The following PPARGC1A variants were observed in gnomAD, a reference collection of about 807,000 sequenced individuals.
PPARGC1A encodes the protein peroxisome proliferator-activated receptor gamma coactivator 1-alpha.
PPARGC1A carries 25 observed loss-of-function variants against 88.7 expected under a neutral mutation model. That is an observed-to-expected ratio of 0.28 (90% CI 0.21 to 0.39). The LOEUF is 0.39. Among genes scored for constraint, PPARGC1A ranks in the 10% least tolerant of loss-of-function variants. The pLI is 1.00. For synonymous variants in PPARGC1A, 363 were observed against 355.6 expected (o/e 1.02, Z -0.24); for missense variants, 880 against 968.7 (o/e 0.91, Z 1.22).
At chr4:23,854,828 TAAAGAAA>T (rs2148679925) in intron 2 of PPARGC1A, among the ~76,000 whole-genome samples, 1 of 151,548 alleles carries the variant, frequency 6.6e-6, no homozygotes, top group South Asian at 2.1e-4. Flanking sequence ...TGAGAAGCTA[TAAAGAAA>T]AAAAGGGGAA....
the PPARGC1A span, among the ~76,000 whole-genome samples, chr4:24,020,538 G>C: frequency 6.6e-6 from 1 of 152,154 alleles, no homozygotes; most frequent in Admixed American, 6.5e-5. Context: ...ACAAGACAAT[G>C]CTTCACAGGT....
chr4:23,902,670 T>C (rs1719548073), upstream of PPARGC1A, among the ~76,000 whole-genome samples: 1 of 152,120 alleles, frequency 6.6e-6, no homozygotes, highest in South Asian at 2.1e-4. Flanking sequence ...GTCTGAGATA[T>C]ATACAAGGAT....
the PPARGC1A span, among the ~76,000 whole-genome samples, chr4:24,082,077 T>C: frequency 1.3e-5 from 2 of 152,124 alleles, no homozygotes; most frequent in Non-Finnish European, 2.9e-5. Flanking sequence ...TCATATTTAT[T>C]GTTCACCCGA....
chr4:24,271,104 T>C, the PPARGC1A span, among the ~76,000 whole-genome samples: 1 of 152,314 alleles, frequency 6.6e-6, no homozygotes, highest in Non-Finnish European at 1.5e-5. Context: ...ATGTCAGATA[T>C]AAGATGGTGA....
At chr4:24,067,426 T>C in the PPARGC1A span, among the ~76,000 whole-genome samples, 10 of 152,130 alleles carry the variant, frequency 6.6e-5, no homozygotes, top group African/African-American at 2.2e-4. Context: ...GGGACGCCTC[T>C]CTCAAATATA....
the PPARGC1A span, among the ~76,000 whole-genome samples, chr4:24,124,568 C>T: frequency 2.0e-5 from 3 of 152,136 alleles, no homozygotes; most frequent in Non-Finnish European, 2.9e-5. Flanking sequence ...GCGTCTTTGC[C>T]GAAGTGACTT....
At chr4:24,227,496 T>A in the PPARGC1A span, among the ~76,000 whole-genome samples, 4 of 152,068 alleles carry the variant, frequency 2.6e-5, no homozygotes, top group Admixed American at 1.3e-4. Flanking sequence ...AATAAGATGA[T>A]ATCAACAGAG....
the PPARGC1A span, among the ~76,000 whole-genome samples, chr4:24,130,113 C>T: frequency 4.4e-4 from 67 of 152,098 alleles, no homozygotes; most frequent in African/African-American, 1.2e-3. Context: ...CTAACCTGCA[C>T]GTTGTGCACA....
the PPARGC1A span, among the ~76,000 whole-genome samples, chr4:24,051,307 A>G: frequency 2.6e-5 from 4 of 152,040 alleles, no homozygotes; most frequent in Non-Finnish European, 5.9e-5. Context: ...TGCCCCCTGG[A>G]AAAAGGGATT....
At chr4:24,455,307 T>C in the PPARGC1A span, among the ~76,000 whole-genome samples, 1 of 152,008 alleles carries the variant, frequency 6.6e-6, no homozygotes, top group Non-Finnish European at 1.5e-5. Flanking sequence ...ATAGCAAGAC[T>C]CTGTCACTAC....
upstream of PPARGC1A, chr4:23,890,193 C>T (rs889330664): frequency 4.5e-5 from 34 of 750,634 alleles, no homozygotes; most frequent in Non-Finnish European, 6.2e-5. Flanking sequence ...AAAGGCAGCC[C>T]TCTGCTTCAG....
the PPARGC1A span, among the ~76,000 whole-genome samples, chr4:24,110,239 G>A: frequency 6.6e-6 from 1 of 152,144 alleles, no homozygotes; most frequent in Non-Finnish European, 1.5e-5. Context: ...GACACATTGT[G>A]TATGGAGATA....
rs1717443882 is a variant in PPARGC1A at position 23,795,636 on chromosome 4, C to T, written c.*186G>A. 1 of 540,914 alleles carries T rather than the reference C, an allele frequency of 1.8e-6. No individual in the cohort carries two copies. 33.5% of individuals were successfully genotyped at this position (540,914 alleles called of 1,614,324 possible). On this transcript the variant is annotated 3_prime_UTR_variant, in exon 13 of 13. Coordinates refer to ENST00000264867, the MANE Select transcript of PPARGC1A (RefSeq NM_013261.5). ...CTCTTGCCTCTTCAGCAGCTGTGTT[C>T]ATGTAAACCATTGTTGTTATTGTTG...
At chr4:24,179,356 C>T in the PPARGC1A span, among the ~76,000 whole-genome samples, 1 of 152,132 alleles carries the variant, frequency 6.6e-6, no homozygotes, top group Non-Finnish European at 1.5e-5. Context: ...CTCCTCTCAT[C>T]CCAGGGCAGA....
At chr4:23,936,829 G>A in the PPARGC1A span, among the ~76,000 whole-genome samples, 9 of 152,010 alleles carry the variant, frequency 5.9e-5, no homozygotes, top group Non-Finnish European at 8.8e-5. Flanking sequence ...GAGATCGCAC[G>A]ACTGCACTCC....
Position 23,795,141 on chromosome 4 carries a change from A to G in PPARGC1A, c.*681T>C, listed in dbSNP as rs1277063100. ...AGGATTGTCATATAATCATTACGTT[A>G]TGAGAGAAAGCTTGCTTCAAGTTGA... On this transcript the variant is annotated 3_prime_UTR_variant, in exon 13 of 13. Coordinates refer to ENST00000264867, the MANE Select transcript of PPARGC1A (RefSeq NM_013261.5). The G allele has an allele frequency of 1.3e-5, 2 of 151,632 alleles. No individual in the cohort carries two copies. The highest frequency in any genetic ancestry group is 2.9e-5 in the Non-Finnish European group (2 of 67,850). The allele number at this position is 151,632 out of a possible 1,614,324, so 9.4% of individuals were successfully genotyped here. A position where few individuals can be genotyped will look rare whatever the true frequency, so the allele number is the denominator to read the frequency against.
chr4:23,796,698 T>A (rs1459388923), intron 12 of PPARGC1A, among the ~76,000 whole-genome samples: 1 of 152,134 alleles, frequency 6.6e-6, no homozygotes, highest in Non-Finnish European at 1.5e-5. Context: ...TTTTTCTCCA[T>A]TGACTTCTAT....
Position 23,802,141 on chromosome 4 carries a change from C to T in PPARGC1A, c.2141+83G>A, listed in dbSNP as rs1718872470. On this transcript the variant is annotated intron_variant, in intron 11 of 12. Coordinates refer to ENST00000264867, the MANE Select transcript of PPARGC1A (RefSeq NM_013261.5). ...TCATCTGTCAAAGCACTTACATTGGCAACTCCCATCCCAGTAATCTTATGG... is the reference window on the plus strand; with the variant it reads ...TCATCTGTCAAAGCACTTACATTGGTAACTCCCATCCCAGTAATCTTATGG... The T allele has an allele frequency of 3.2e-6, 5 of 1,575,590 alleles. No homozygotes were observed. The South Asian group carries it at 4.6e-5, about 14-fold the overall frequency.
At chr4:23,832,098 T>C (rs1013142973) in intron 2 of PPARGC1A, among the ~76,000 whole-genome samples, 15 of 152,166 alleles carry the variant, frequency 9.9e-5, no homozygotes, top group Non-Finnish European at 1.9e-4. Flanking sequence ...ATTTAGAGAA[T>C]CTTGGACCTT....
Sources: allele counts gnomAD v4.1 joint callset (sites outside exome capture counted in the v4.1 genomes callset), GRCh38; gene constraint gnomAD v4.1.1; transcripts MANE v1.5; gene names NCBI Gene and HGNC (gene_info 2026-07-23, HGNC 2026-07-21).